CRTC3: variants seen among roughly 807,000 people sequenced by gnomAD.
The protein encoded by CRTC3 is CREB-regulated transcription coactivator 3.
Under a neutral mutation model 74.5 loss-of-function variants are expected in CRTC3, and 26 were observed. The ratio of observed to expected loss-of-function variants is 0.35; its 90% confidence interval spans 0.26 to 0.48. The LOEUF (loss-of-function observed/expected upper bound fraction) is 0.48. Ranked by LOEUF, CRTC3 falls within the 20% of genes least tolerant of loss-of-function variation. The pLI, the probability that CRTC3 is intolerant of heterozygous loss-of-function variation, is 0.99. For missense variants in CRTC3, 760 were observed against 787.3 expected, an observed-to-expected ratio of 0.97 and a Z score of 0.41; for synonymous variants, 377 against 325.8, an observed-to-expected ratio of 1.16 and a Z score of -1.69.
At chr15:90,621,529 G>A (rs1780433862) in intron 9 of CRTC3, among the ~76,000 whole-genome samples, 1 of 152,122 alleles carries the variant, frequency 6.6e-6, no homozygotes, top group Admixed American at 6.5e-5. Context: ...CACCATATTG[G>A]CCAGGCTGGT....
intron 2 of CRTC3, among the ~76,000 whole-genome samples, chr15:90,551,919 A>G (rs4404047): frequency 0.84 from 122,335 of 144,986 alleles, 51,895 homozygotes; most frequent in Middle Eastern, 0.92. Flanking sequence ...ATTACATTAC[A>G]TTACACACAC....
chr15:90,542,018 A>G (rs971684181), intron 2 of CRTC3, among the ~76,000 whole-genome samples: 1 of 151,874 alleles, frequency 6.6e-6, no homozygotes, highest in African/African-American at 2.4e-5. Context: ...TCCTGACCTC[A>G]AGTAATCCAC....
chr15:90,635,380 C>A (rs917758786), intron 11 of CRTC3, among the ~76,000 whole-genome samples: 2 of 152,062 alleles, frequency 1.3e-5, no homozygotes, highest in Non-Finnish European at 2.9e-5. Context: ...CGTGGTGGCT[C>A]ACACCTGTAA....
intron 13 of CRTC3, 124 bp from the exon 14 acceptor site, chr15:90,640,973 C>A: frequency 1.5e-6 from 1 of 680,182 alleles, no homozygotes; most frequent in South Asian, 1.7e-5. Flanking sequence ...CTCTGGGATC[C>A]TGGAAAGAAG....
rs1173324229 is a variant in CRTC3 at position 90,641,903 on chromosome 15, C to T, written c.1652-29C>T. On this transcript the variant is annotated intron_variant, in intron 14 of 14. Coordinates refer to ENST00000268184, the MANE Select transcript of CRTC3 (RefSeq NM_022769.5). ...GGAGCCTTCGCGCCTCCTAACCGCA[C>T]TGTTTTCCCCTCTGGCCACTCCTTT... 5.6e-6 allele frequency: 9 copies of T among 1,606,448 alleles called. No individual in the cohort carries two copies. In the African/African-American group the frequency reaches 1.1e-4, roughly 19 times the overall value.
intron 2 of CRTC3, among the ~76,000 whole-genome samples, chr15:90,559,580 C>G (rs575950685): frequency 3.5e-4 from 54 of 152,172 alleles, no homozygotes; most frequent in Non-Finnish European, 7.1e-4. Context: ...GTATATTTTC[C>G]TGATTGCTGG....
rs371687453 is a variant in CRTC3 at position 90,629,294 on chromosome 15, C to T, written c.1028C>T (p.Ser343Phe). 2.2e-5 allele frequency: 36 copies of T among 1,614,042 alleles called. No homozygotes were observed. Among genetic ancestry groups the T allele is most frequent in the African/African-American group, 6.7e-5 (5 of 74,920 alleles). Residue 343 changes from serine to phenylalanine, a missense_variant, in exon 11 of 15, where the codon TCC (serine) becomes TTC (phenylalanine). By Grantham distance (155) the Ser-to-Phe change is radical. Around this residue, in one of 2 missense-constraint regions of CRTC3, gnomAD observed 652 missense variants for 635.2 expected, o/e 1.03. Transcript: ENST00000268184. ...GCCACGCTCAATAAGACTGTGCTTT[C>T]CTCTTCCTTAAATAACCACCCACAG... ...IQATLNKTVL[S>F]SSLNNHPQTS...
At chr15:90,620,795 A>C (rs1403319658) in intron 9 of CRTC3, among the ~76,000 whole-genome samples, 2 of 152,238 alleles carry the variant, frequency 1.3e-5, no homozygotes, top group African/African-American at 4.8e-5. Context: ...GATCTGACTT[A>C]GTACATACAA....
intron 9 of CRTC3, among the ~76,000 whole-genome samples, chr15:90,622,942 C>T (rs1376751503): frequency 6.6e-6 from 1 of 152,214 alleles, no homozygotes; most frequent in Non-Finnish European, 1.5e-5. Context: ...CGGTTGGACA[C>T]CTCTCCTGCT....
At chr15:90,629,827 A>G (rs1968974575) in intron 11 of CRTC3, among the ~76,000 whole-genome samples, 1 of 152,032 alleles carries the variant, frequency 6.6e-6, no homozygotes, top group Non-Finnish European at 1.5e-5. Flanking sequence ...GGCTCAAGCG[A>G]TCTTCTCACC....
chr15:90,610,997 C>T (rs1382770013), intron 6 of CRTC3, among the ~76,000 whole-genome samples: 1 of 152,172 alleles, frequency 6.6e-6, no homozygotes, highest in Non-Finnish European at 1.5e-5. Context: ...CTTTCACCTG[C>T]CAATAAGCTT....
At chr15:90,608,216 C>T (rs1422785727) in intron 6 of CRTC3, among the ~76,000 whole-genome samples, 1 of 152,208 alleles carries the variant, frequency 6.6e-6, no homozygotes, top group African/African-American at 2.4e-5. Context: ...CATCTCACAG[C>T]TCTGCTTCCA....
In CRTC3 at chr15:90,604,450, A is replaced by G; in HGVS notation, c.476+3A>G. On this transcript the variant is annotated splice_donor_region_variant and intron_variant, in intron 5 of 14. Coordinates refer to ENST00000268184, the MANE Select transcript of CRTC3 (RefSeq NM_022769.5). Reference sequence around the variant, plus strand: ...AGGCTGACATCTGCACTTAACAGGTACATGGGTTGTTTCCTGGTAGGAGTA... The same window carrying G: ...AGGCTGACATCTGCACTTAACAGGTGCATGGGTTGTTTCCTGGTAGGAGTA... The G allele has an allele frequency of 6.2e-7, 1 of 1,610,998 alleles. No homozygotes were observed. Among genetic ancestry groups the G allele is most frequent in the Non-Finnish European group, 8.5e-7 (1 of 1,177,112 alleles).
chr15:90,575,893 G>A (rs6496693), intron 2 of CRTC3, among the ~76,000 whole-genome samples: 125,265 of 152,196 alleles, frequency 0.82, 52,207 homozygotes, highest in African/African-American at 0.95. Context: ...TCGGCTTGTT[G>A]AGGTCTTTTT....
chr15:90,585,460 TA>T (rs980959751), intron 2 of CRTC3, among the ~76,000 whole-genome samples: 7 of 112,296 alleles, frequency 6.2e-5, no homozygotes, highest in South Asian at 3.6e-4. Context: ...AATTCCTTAA[TA>T]TTTTTTTTTT....
intron 4 of CRTC3, among the ~76,000 whole-genome samples, chr15:90,602,865 T>C (rs2151082094): frequency 6.6e-6 from 1 of 151,888 alleles, no homozygotes; most frequent in East Asian, 1.9e-4. Flanking sequence ...TCCCAGCTAC[T>C]TGGGAGGCTG....
chr15:90,557,049 G>A (rs1243805766), intron 2 of CRTC3, among the ~76,000 whole-genome samples: 4 of 149,892 alleles, frequency 2.7e-5, no homozygotes, highest in African/African-American at 9.9e-5. Flanking sequence ...TTATCAGACC[G>A]AGCTTCTACA....
At chr15:90,618,594 AAC>A (rs1968557268) in intron 8 of CRTC3, among the ~76,000 whole-genome samples, 1 of 152,218 alleles carries the variant, frequency 6.6e-6, no homozygotes, top group East Asian at 1.9e-4. Flanking sequence ...TTTGAAAGAA[AAC>A]AGTTAATCTG....
At chr15:90,574,079 T>C (rs1002122227) in intron 2 of CRTC3, among the ~76,000 whole-genome samples, 1 of 152,220 alleles carries the variant, frequency 6.6e-6, no homozygotes, top group African/African-American at 2.4e-5. Flanking sequence ...CCTTTATCTG[T>C]TTTAAAAATT....
Sources: gnomAD v4.1 joint callset for allele counts (sites outside exome capture counted in the v4.1 genomes callset) on GRCh38, gnomAD v4.1.1 for gene constraint, gnomAD v4.1.1 regional missense constraint, MANE v1.5 for transcripts, NCBI Gene and HGNC (gene_info 2026-07-23, HGNC 2026-07-21) for gene names.